The following RBFOX1 variants were observed in gnomAD, a reference collection of about 807,000 sequenced individuals.
RBFOX1 encodes RNA binding fox-1 homolog 1.
A neutral mutation model predicts 57.7 loss-of-function variants in RBFOX1; 8 were observed. The observed-to-expected ratio is 0.14, with a 90% CI of 0.08 to 0.25. The LOEUF is 0.25. Ranked by LOEUF, RBFOX1 falls within the 10% of genes least tolerant of loss-of-function variation. The pLI is 1.00. For missense variants in RBFOX1, 611 were observed against 548.5 expected, an observed-to-expected ratio of 1.11 and a Z score of -1.14; for synonymous variants, 326 against 222.4, an observed-to-expected ratio of 1.47 and a Z score of -4.15.
At chr16:7,702,067 TCTC>T (rs1013906367) in intron 14 of RBFOX1, among the ~76,000 whole-genome samples, 6 of 152,146 alleles carry the variant, frequency 3.9e-5, no homozygotes, top group African/African-American at 9.7e-5. Context: ...GAATGGCTCT[TCTC>T]CTGCAAGATT....
intron 3 of RBFOX1, among the ~76,000 whole-genome samples, chr16:6,949,306 A>G (rs1222464854): frequency 2.0e-5 from 3 of 152,212 alleles, no homozygotes; most frequent in African/African-American, 7.2e-5. Context: ...AAAGACATGT[A>G]CCAGTTAGTT....
At chr16:5,916,497 C>T (rs1213904333) in intron 4 of RBFOX1, among the ~76,000 whole-genome samples, 1 of 152,090 alleles carries the variant, frequency 6.6e-6, no homozygotes, top group Middle Eastern at 3.2e-3. Flanking sequence ...TTTGCCTATT[C>T]ACCACTTGTT....
chr16:7,305,273 G>A (rs772044774), intron 4 of RBFOX1, among the ~76,000 whole-genome samples: 2 of 151,936 alleles, frequency 1.3e-5, no homozygotes, highest in Non-Finnish European at 2.9e-5. Context: ...GTTTCCTTGG[G>A]ACCCTCTCTG....
intron 2 of RBFOX1, among the ~76,000 whole-genome samples, chr16:6,519,646 A>G (rs963904516): frequency 1.3e-5 from 2 of 152,176 alleles, no homozygotes; most frequent in African/African-American, 2.4e-5. Flanking sequence ...GGTTGCAGTG[A>G]GCTGAGATCA....
chr16:5,980,146 A>G (rs977412576), intron 4 of RBFOX1, among the ~76,000 whole-genome samples: 9 of 152,234 alleles, frequency 5.9e-5, no homozygotes, highest in Non-Finnish European at 1.3e-4. Flanking sequence ...CTTAGCTATC[A>G]TAAACAATTC....
intron 3 of RBFOX1, among the ~76,000 whole-genome samples, chr16:5,605,593 C>T (rs113373848): frequency 0.038 from 5,635 of 150,156 alleles, 245 homozygotes; most frequent in African/African-American, 0.11. Flanking sequence ...AGTGGTGCCA[C>T]TGATGAGTAA....
At chr16:7,367,240 C>A (rs752550855) in intron 4 of RBFOX1, among the ~76,000 whole-genome samples, 1 of 152,118 alleles carries the variant, frequency 6.6e-6, no homozygotes, top group Non-Finnish European at 1.5e-5. Flanking sequence ...GACTGTAAAT[C>A]AGCACAAAGT....
At chr16:5,522,642 CTTTG>C (rs762135064) in intron 2 of RBFOX1, among the ~76,000 whole-genome samples, 1 of 152,170 alleles carries the variant, frequency 6.6e-6, no homozygotes, top group Non-Finnish European at 1.5e-5. Context: ...CTTATTCTTT[CTTTG>C]TTTGTACCCA....
At chr16:6,957,116 T>TTTTTTTTATTTATATA (rs574831673) in intron 3 of RBFOX1, among the ~76,000 whole-genome samples, 1 of 139,244 alleles carries the variant, frequency 7.2e-6, no homozygotes. Context: ...TTATTTTTAT[T>TTTTTTTTATTTATATA]TTTATTTATT....
intron 4 of RBFOX1, among the ~76,000 whole-genome samples, chr16:7,336,905 A>G (rs1163092806): frequency 1.3e-5 from 2 of 152,156 alleles, no homozygotes; most frequent in African/African-American, 4.8e-5. Flanking sequence ...ATCCCAGCTA[A>G]TGTAAATATT....
intron 3 of RBFOX1, among the ~76,000 whole-genome samples, chr16:5,627,053 C>T (rs562314617): frequency 6.6e-5 from 10 of 152,284 alleles, no homozygotes; most frequent in Admixed American, 3.3e-4. Flanking sequence ...TTAGACATCC[C>T]GGCTTTGCAG....
intron 2 of RBFOX1, among the ~76,000 whole-genome samples, chr16:5,551,061 A>G (rs1340828999): frequency 6.6e-6 from 1 of 152,142 alleles, no homozygotes; most frequent in African/African-American, 2.4e-5. Flanking sequence ...CCTGGGTCCT[A>G]AATACCCACT....
chr16:5,793,313 G>A (rs1259164470), intron 3 of RBFOX1, among the ~76,000 whole-genome samples: 2 of 152,180 alleles, frequency 1.3e-5, no homozygotes, highest in African/African-American at 2.4e-5. Context: ...CAGCTTAACC[G>A]TGTTTGTTTC....
At chr16:6,535,144 G>A (rs770868167) in intron 2 of RBFOX1, among the ~76,000 whole-genome samples, 1 of 152,190 alleles carries the variant, frequency 6.6e-6, no homozygotes, top group African/African-American at 2.4e-5. Context: ...AGTGGAAAAC[G>A]TGTGCTGGTT....
intron 2 of RBFOX1, among the ~76,000 whole-genome samples, chr16:6,466,680 G>A (rs1223813029): frequency 1.3e-5 from 2 of 152,116 alleles, no homozygotes; most frequent in African/African-American, 4.8e-5. Flanking sequence ...GAGTCTCCAG[G>A]CCCCTTTTCA....
At chr16:7,036,082 C>T (rs2044324776) in intron 3 of RBFOX1, among the ~76,000 whole-genome samples, 2 of 152,158 alleles carry the variant, frequency 1.3e-5, no homozygotes, top group South Asian at 4.1e-4. Flanking sequence ...GTAAAGATCT[C>T]TTCAGATGCG....
chr16:5,897,159 C>T (rs1443737264), intron 4 of RBFOX1, among the ~76,000 whole-genome samples: 1 of 152,050 alleles, frequency 6.6e-6, no homozygotes, highest in East Asian at 1.9e-4. Context: ...CCTCAGCCTC[C>T]CCAGTAGCTG....
chr16:7,094,775 T>TGTGTGTGTGTGG (rs879519332), intron 4 of RBFOX1, among the ~76,000 whole-genome samples: 2 of 139,694 alleles, frequency 1.4e-5, no homozygotes, highest in Non-Finnish European at 3.2e-5. Context: ...TGTGTGTGTG[T>TGTGTGTGTGTGG]GGGTGTGTGT....
chr16:6,065,819 C>T (rs1045254395), intron 1 of RBFOX1, among the ~76,000 whole-genome samples: 1 of 152,108 alleles, frequency 6.6e-6, no homozygotes, highest in African/African-American at 2.4e-5. Context: ...AACAGAGGCT[C>T]ACTTAGCTAA....
Sources: allele counts gnomAD v4.1 joint callset (sites outside exome capture counted in the v4.1 genomes callset), GRCh38; gene constraint gnomAD v4.1.1; transcripts MANE v1.5; gene names NCBI Gene and HGNC (gene_info 2026-07-23, HGNC 2026-07-21).